Variants in VWCE observed in about 807,000 individuals in gnomAD.
VWCE encodes the protein von Willebrand factor C and EGF domains, also known as von Willebrand factor C and EGF domain-containing protein.
A neutral mutation model predicts 102.9 loss-of-function variants in VWCE; 68 were observed. That is an observed-to-expected ratio of 0.66 (90% confidence interval 0.54 to 0.81). VWCE has a LOEUF of 0.81. Among genes scored for constraint, VWCE ranks in the 30% least tolerant of loss-of-function variants. VWCE has a pLI of 0.00. For synonymous variants in VWCE, 497 were observed against 515.4 expected (o/e 0.96, Z 0.48); for missense variants, 1,137 against 1,263.6 (o/e 0.90, Z 1.52).
At chr11:61,285,643 G>A (rs1265857682) in intron 5 of VWCE, among the ~76,000 whole-genome samples, 4 of 152,068 alleles carry the variant, frequency 2.6e-5, no homozygotes, top group Non-Finnish European at 4.4e-5. Context: ...AGTCTCTCCC[G>A]GCCCTCCCTC....
Position 61,294,933 on chromosome 11 carries a change from G to T in VWCE, c.105C>A (p.Ala35=). 3 of 1,434,172 alleles carry T rather than the reference G, an allele frequency of 2.1e-6. No homozygotes were observed. Among genetic ancestry groups the T allele is most frequent in the Non-Finnish European group, 2.7e-6 (3 of 1,092,124 alleles). The allele number at this position is 1,434,172 out of a possible 1,614,324, so 88.8% of individuals were successfully genotyped here. A position where few individuals can be genotyped will look rare whatever the true frequency, so the allele number is the denominator to read the frequency against. ...GAGGAGCTCCGGGCGCTTACCTCTC[G>T]GCCGCGAAGTGCCCGGGCGGCTTCC... ...TGRKPPGHFA[A]ERRRLGPHVC... The change falls in exon 1 of 20, where the codon GCC becomes GCA. Residue 35 remains alanine, a synonymous_variant. Coordinates refer to ENST00000335613, the MANE Select transcript of VWCE (RefSeq NM_152718.2). The surrounding 1 kb of genome is among the most constrained non-coding windows in gnomAD (Gnocchi z 6.3).
chr11:61,273,072 G>A (rs537733224), intron 13 of VWCE, 127 bp downstream of exon 13: 38 of 907,168 alleles, frequency 4.2e-5, no homozygotes, highest in African/African-American at 8.3e-5. Flanking sequence ...TCATACACAC[G>A]CACACAAAGA....
chr11:61,280,792 C>T lies in VWCE; in HGVS notation c.1230+1G>A, dbSNP rs1032807064. ...AAGCTCCGGGGACCCCTAGTACCCA[C>T]CTCGCACCAGCACTGGGAACACCCA... On this transcript the variant is annotated splice_donor_variant, in intron 8 of 19. Coordinates refer to ENST00000335613, the MANE Select transcript of VWCE (RefSeq NM_152718.2). LOFTEE classifies it high-confidence loss of function. 5 of 1,601,608 alleles carry T rather than the reference C, an allele frequency of 3.1e-6. No individual in the cohort carries two copies. Among genetic ancestry groups the T allele is most frequent in the Non-Finnish European group, 3.4e-6 (4 of 1,173,886 alleles).
intron 12 of VWCE, 64 bp from the exon 13 acceptor site, chr11:61,273,380 AGAG>A: frequency 6.8e-7 from 1 of 1,475,494 alleles, no homozygotes; most frequent in South Asian, 1.3e-5. Flanking sequence ...ATGGAGAGCT[AGAG>A]GAGGCCGCAG....
chr11:61,282,049 G>A, intron 6 of VWCE, 135 bp from the exon 7 acceptor site: 1 of 1,349,980 alleles, frequency 7.4e-7, no homozygotes, highest in East Asian at 2.6e-5. Context: ...CCCGAGGTGC[G>A]GGATGTGACT....
At chr11:61,288,874 T>C (rs1590657728) in intron 4 of VWCE, among the ~76,000 whole-genome samples, 2 of 149,992 alleles carry the variant, frequency 1.3e-5, no homozygotes, top group African/African-American at 5.0e-5. Flanking sequence ...AATCTCGCTC[T>C]GTCACTCAGG....
intron 13 of VWCE, 77 bp from the exon 14 acceptor site, chr11:61,271,837 G>T: frequency 7.8e-7 from 1 of 1,279,434 alleles, no homozygotes; most frequent in Non-Finnish European, 1.1e-6. Context: ...TGCCTCATGC[G>T]CACAAACACA....
At chr11:61,268,859 C>T (rs1854587333) in intron 15 of VWCE, 63 bp downstream of exon 15, 6 of 1,556,750 alleles carry the variant, frequency 3.9e-6, no homozygotes, top group Non-Finnish European at 4.4e-6. Flanking sequence ...CTGTATAGGG[C>T]TTAAGGAGCC....
intron 19 of VWCE, 94 bp downstream of exon 19, chr11:61,264,393 C>CT: frequency 7.7e-7 from 1 of 1,303,938 alleles, no homozygotes; most frequent in Non-Finnish European, 1.1e-6. Context: ...ATGGCTTTCT[C>CT]TTATCCAGCC....
chr11:61,267,720 G>T (rs1590619757), intron 15 of VWCE, among the ~76,000 whole-genome samples, 176 bp from the exon 16 acceptor site: 1 of 152,162 alleles, frequency 6.6e-6, no homozygotes, highest in Non-Finnish European at 1.5e-5. Context: ...GTCTGAATCG[G>T]GTATTGACTT....
In VWCE at chr11:61,265,137, AGCACTCCCCGTCAG is replaced by A. The variant is rs755987794; in HGVS notation, c.2027_2040del (p.Pro676LeufsTer24). 9 of 1,600,282 alleles carry A rather than the reference AGCACTCCCCGTCAG, an allele frequency of 5.6e-6. No homozygotes were observed. The highest frequency in any genetic ancestry group is 7.7e-6 in the Non-Finnish European group (9 of 1,172,928). ...TCCCACTCACCTCGGCACACGGGGCAGCACTCCCCGTCAGGGTGGAAAGGGTAGGTACAGGTGAT... is the reference window on the plus strand; with the variant it reads ...TCCCACTCACCTCGGCACACGGGGCAGGTGGAAAGGGTAGGTACAGGTGAT... On this transcript the variant is annotated frameshift_variant, in exon 17 of 20. Coordinates refer to ENST00000335613, the MANE Select transcript of VWCE (RefSeq NM_152718.2). LOFTEE classifies it high-confidence loss of function.
intron 14 of VWCE, among the ~76,000 whole-genome samples, chr11:61,269,735 C>T (rs1396873242): frequency 1.3e-5 from 2 of 151,922 alleles, no homozygotes; most frequent in Admixed American, 6.6e-5. Flanking sequence ...TGTGAGCCAC[C>T]GCAACCGGCC....
chr11:61,287,548 CTAAG>C (rs1333411327), intron 4 of VWCE, among the ~76,000 whole-genome samples: 1 of 145,414 alleles, frequency 6.9e-6, no homozygotes, highest in African/African-American at 2.8e-5. Flanking sequence ...ATGTGACTAA[CTAAG>C]ACACAGCGCT....
intron 13 of VWCE, 44 bp from the exon 14 acceptor site, chr11:61,271,804 A>T: frequency 6.4e-7 from 1 of 1,573,878 alleles, no homozygotes; most frequent in Non-Finnish European, 8.7e-7. Context: ...CAAGACCTAG[A>T]CTACAACAGC....
At chr11:61,276,770 C>G (rs1203088102) in intron 10 of VWCE, 90 bp from the exon 11 acceptor site, 2 of 1,047,662 alleles carry the variant, frequency 1.9e-6, no homozygotes, top group Non-Finnish European at 1.3e-6. Context: ...AACAGGAAAG[C>G]TGCCTAAAGG....
chr11:61,262,168 G>C (rs952000595), intron 19 of VWCE, among the ~76,000 whole-genome samples: 1 of 152,110 alleles, frequency 6.6e-6, no homozygotes, highest in Non-Finnish European at 1.5e-5. Context: ...TGGACAGGCT[G>C]GTCTCAAACT....
intron 16 of VWCE, among the ~76,000 whole-genome samples, chr11:61,265,637 C>G (rs1312884673): frequency 6.6e-6 from 1 of 152,168 alleles, no homozygotes; most frequent in Admixed American, 6.5e-5. Flanking sequence ...AGACCGTGTC[C>G]CTTGTCACGC....
rs1341591318 is a variant in VWCE, at chr11:61,286,368, C to G, written c.487G>C (p.Val163Leu). 1.2e-6 allele frequency: 2 copies of G among 1,612,524 alleles called. No homozygotes were observed. The highest frequency in any genetic ancestry group is 1.7e-6 in the Non-Finnish European group (2 of 1,180,046). Reference sequence around the variant, plus strand: ...TGCATGCCCGGCCCACACTCGCACACAAACCCACCTTCTGTGTTCACACAG... The same window carrying G: ...TGCATGCCCGGCCCACACTCGCACAGAAACCCACCTTCTGTGTTCACACAG... ...GHCVNTEGGF[V>L]CECGPGMQLS... The change falls in exon 5 of 20, where the codon GTG becomes CTG. Residue 163 changes from valine to leucine, a missense_variant. Val to Leu is a conservative substitution (Grantham distance 32, BLOSUM62 1). This residue lies in a region of VWCE where 575 missense variants were observed against 625.9 expected (regional missense o/e 0.92). Transcript: ENST00000335613.
intron 16 of VWCE, among the ~76,000 whole-genome samples, chr11:61,265,761 T>G (rs1297120485): frequency 6.6e-6 from 1 of 152,204 alleles, no homozygotes; most frequent in Non-Finnish European, 1.5e-5. Context: ...TGAAGAATTT[T>G]TTTACCCGGA....
Sources: allele counts gnomAD v4.1 joint callset (sites outside exome capture counted in the v4.1 genomes callset), GRCh38; gene constraint gnomAD v4.1.1; regional missense constraint gnomAD v4.1.1; non-coding constraint Gnocchi (gnomAD v3.1); transcripts MANE v1.5; gene names NCBI Gene and HGNC (gene_info 2026-07-23, HGNC 2026-07-21).